The following SUPT3H variants were observed in gnomAD, a reference collection of about 807,000 sequenced individuals.
The protein encoded by SUPT3H is transcription initiation protein SPT3 homolog.
SUPT3H carries 44 observed loss-of-function variants against 44.3 expected under a neutral mutation model. The observed-to-expected ratio is 0.99, with a 90% CI of 0.78 to 1.28. The LOEUF is 1.28. Ranked by LOEUF, SUPT3H falls within the 50% of genes most tolerant of loss-of-function variation. The probability of loss-of-function intolerance (pLI) is 0.00; values close to 1 mark genes in which losing one functional copy is unlikely to be tolerated. For missense variants in SUPT3H, 380 were observed against 387.1 expected (o/e 0.98, Z 0.15); for synonymous variants, 124 against 125.6 (o/e 0.99, Z 0.09).
At chr6:45,304,437 A>C (rs1208037072) in intron 2 of SUPT3H, among the ~76,000 whole-genome samples, 1 of 152,202 alleles carries the variant, frequency 6.6e-6, no homozygotes, top group Non-Finnish European at 1.5e-5. Context: ...AATATGTAAT[A>C]AATTTTTCCA....
chr6:45,089,056 G>A (rs576005521), intron 3 of SUPT3H, among the ~76,000 whole-genome samples: 1 of 152,090 alleles, frequency 6.6e-6, no homozygotes, highest in South Asian at 2.1e-4. Context: ...AATATCATAT[G>A]AATGGAAAAT....
intron 2 of SUPT3H, among the ~76,000 whole-genome samples, chr6:45,238,495 G>C (rs1297244030): frequency 6.6e-6 from 1 of 152,150 alleles, no homozygotes; most frequent in Non-Finnish European, 1.5e-5. Context: ...CTAGCCCTTG[G>C]CAATTAACAA....
At chr6:45,048,221 CTTTTTTT>C (rs67557043) in intron 3 of SUPT3H, among the ~76,000 whole-genome samples, 26 of 88,222 alleles carry the variant, frequency 2.9e-4, no homozygotes, top group East Asian at 1.9e-3. Flanking sequence ...TCTCTCTACT[CTTTTTTT>C]TTTTTTTTTT....
chr6:45,306,306 C>A (rs1782993230), intron 2 of SUPT3H, among the ~76,000 whole-genome samples: 1 of 152,210 alleles, frequency 6.6e-6, no homozygotes, highest in Non-Finnish European at 1.5e-5. Context: ...AGGACCTTAG[C>A]AGCCATTGTC....
At chr6:44,867,415 A>T (rs1561919216) in intron 10 of SUPT3H, among the ~76,000 whole-genome samples, 14 of 152,258 alleles carry the variant, frequency 9.2e-5, no homozygotes. Flanking sequence ...TTTTTAATAA[A>T]ATTCATGTCA....
chr6:44,900,622 C>A (rs1764843876), intron 10 of SUPT3H, among the ~76,000 whole-genome samples: 1 of 152,194 alleles, frequency 6.6e-6, no homozygotes, highest in African/African-American at 2.4e-5. Context: ...CTAAAGGCAG[C>A]AGAATCCTCT....
At chr6:44,915,186 C>G (rs990199432) in intron 10 of SUPT3H, among the ~76,000 whole-genome samples, 1 of 152,092 alleles carries the variant, frequency 6.6e-6, no homozygotes, top group Non-Finnish European at 1.5e-5. Flanking sequence ...TTTGGAAGGG[C>G]CTCAGAGAGT....
chr6:44,917,614 G>T (rs770359565), intron 10 of SUPT3H, among the ~76,000 whole-genome samples: 2 of 152,092 alleles, frequency 1.3e-5, no homozygotes, highest in Non-Finnish European at 2.9e-5. Flanking sequence ...AGAGCACAGG[G>T]AGCACCACAT....
chr6:44,865,384 C>A (rs1479332868), intron 10 of SUPT3H, among the ~76,000 whole-genome samples: 1 of 152,110 alleles, frequency 6.6e-6, no homozygotes, highest in African/African-American at 2.4e-5. Flanking sequence ...TCAGCAGCAC[C>A]CCACTCCTGG....
At chr6:45,321,918 T>C (rs1785556654) in intron 2 of SUPT3H, 1 of 1,301,472 alleles carries the variant, frequency 7.7e-7, no homozygotes, top group Non-Finnish European at 1.1e-6. Context: ...AATCTCACCT[T>C]AGATGGTTAA....
chr6:45,166,346 T>C (rs1484146791), intron 2 of SUPT3H, among the ~76,000 whole-genome samples: 1 of 151,976 alleles, frequency 6.6e-6, no homozygotes, highest in African/African-American at 2.4e-5. Context: ...CCTAGCACTT[T>C]AGGAGGCCAA....
Position 45,014,971 on chromosome 6 carries a change from T to C in SUPT3H, c.274-80A>G, listed in dbSNP as rs947262174. 1.1e-5 allele frequency: 8 copies of C among 748,148 alleles called. No individual in the cohort carries two copies. The Admixed American group carries it at 2.7e-4, about 26-fold the overall frequency. 46.3% of individuals were successfully genotyped at this position (748,148 alleles called of 1,614,324 possible). On this transcript the variant is annotated intron_variant, in intron 4 of 10. Transcript: ENST00000371459. Reference sequence around the variant, plus strand: ...CTGATTAAAGACTACTATAACCAAATTTAATAAACTTGTACCCCATGATAT... The same window carrying C: ...CTGATTAAAGACTACTATAACCAAACTTAATAAACTTGTACCCCATGATAT...
intron 2 of SUPT3H, among the ~76,000 whole-genome samples, chr6:45,168,299 C>T (rs550090893): frequency 6.2e-4 from 95 of 152,182 alleles, no homozygotes; most frequent in African/African-American, 2.3e-3. Context: ...TGCTTGGGAT[C>T]GGAAGTGTTT....
intron 10 of SUPT3H, among the ~76,000 whole-genome samples, chr6:44,906,325 C>T (rs565801870): frequency 6.6e-6 from 1 of 152,188 alleles, no homozygotes; most frequent in East Asian, 1.9e-4. Context: ...AATTTTTCAC[C>T]TCCTTTACAG....
At chr6:45,227,351 T>C (rs9472450) in intron 2 of SUPT3H, among the ~76,000 whole-genome samples, 260 of 152,274 alleles carry the variant, frequency 1.7e-3, no homozygotes, top group African/African-American at 4.0e-3. Context: ...GTTAATTAGT[T>C]TGATGATTCC....
rs1205095605 is a variant in SUPT3H, at chr6:45,076,937, C to T, written c.186+28985G>A. Among the ~76,000 whole-genome samples the T allele has an allele frequency of 2.0e-5, 3 of 152,060 alleles. No individual in the cohort carries two copies. In the South Asian group the frequency reaches 6.2e-4, roughly 32 times the overall value. ...ACTTTAAATGGCTCTAAATTTCTAC[C>T]GAATATGGTTTGGTAGTTTTTTAAT... On this transcript the variant is annotated intron_variant, in intron 3 of 10. Transcript: ENST00000371459.
At chr6:44,841,375 A>G (rs933753845) in intron 10 of SUPT3H, among the ~76,000 whole-genome samples, 1 of 152,194 alleles carries the variant, frequency 6.6e-6, no homozygotes, top group African/African-American at 2.4e-5. Context: ...TGCTGTGAAT[A>G]TGGTTTTTCC....
In SUPT3H at chr6:44,866,106, CTTT is replaced by C. The variant is rs57914401; in HGVS notation, c.913-36252_913-36250del. On this transcript the variant is annotated intron_variant, in intron 10 of 10. Coordinates refer to ENST00000371459, the MANE Select transcript of SUPT3H (RefSeq NM_003599.4). ...AAATAATTTAGAAAGCCTACATCGACTTTTTTTTTTTTTTTTTTTTTAAGCAAA... is the reference window on the plus strand; with the variant it reads ...AAATAATTTAGAAAGCCTACATCGACTTTTTTTTTTTTTTTTTTAAGCAAA... Among the ~76,000 whole-genome samples the C allele has an allele frequency of 4.0e-3, 510 of 126,140 alleles. 3 individuals are homozygous for C. Among genetic ancestry groups the C allele is most frequent in the African/African-American group, 0.012 (400 of 33,954 alleles). The allele number at this position is 126,140 out of a possible 152,430, so 82.8% of individuals were successfully genotyped here.
intron 2 of SUPT3H, among the ~76,000 whole-genome samples, chr6:45,336,944 G>T (rs1421337939): frequency 1.3e-5 from 2 of 151,370 alleles, no homozygotes; most frequent in African/African-American, 4.8e-5. Flanking sequence ...TTATAAACTG[G>T]CATAAAAATA....
Sources: allele counts gnomAD v4.1 joint callset (sites outside exome capture counted in the v4.1 genomes callset), GRCh38; gene constraint gnomAD v4.1.1; transcripts MANE v1.5; gene names NCBI Gene and HGNC (gene_info 2026-07-23, HGNC 2026-07-21).